LIPN: variants seen among roughly 807,000 people sequenced by gnomAD.
The protein encoded by LIPN is lipase member N.
In LIPN, 32 loss-of-function variants were observed where a neutral mutation model predicts 43.7. That is an observed-to-expected ratio of 0.73 (90% CI 0.55 to 0.98). The LOEUF (loss-of-function observed/expected upper bound fraction) is 0.98. LIPN is among the 50% of genes least tolerant of loss of function. The pLI, the probability that LIPN is intolerant of heterozygous loss-of-function variation, is 0.00. For synonymous variants in LIPN, 156 were observed against 157.6 expected, an observed-to-expected ratio of 0.99 and a Z score of 0.08; for missense variants, 505 against 483.8, an observed-to-expected ratio of 1.04 and a Z score of -0.41.
chr10:88,766,204 C>A, intron 4 of LIPN, 65 bp from the exon 5 acceptor site: 1 of 775,560 alleles, frequency 1.3e-6, no homozygotes, highest in Non-Finnish European at 2.3e-6. Flanking sequence ...AAGAAGTGAG[C>A]AAGTGCTCTG....
At chr10:88,767,770 G>A (rs1843132055) in intron 5 of LIPN, among the ~76,000 whole-genome samples, 1 of 144,348 alleles carries the variant, frequency 6.9e-6, no homozygotes, top group Admixed American at 7.2e-5. Context: ...TTTGCATTTT[G>A]GACAGAGCAA....
rs192845566 is a variant in LIPN at position 88,767,980 on chromosome 10, C to T, written c.536-812C>T. 3.3e-5 allele frequency among the ~76,000 whole-genome samples: 5 copies of T among 150,386 alleles called. No homozygotes were observed. The Admixed American group carries it at 3.3e-4, about 10-fold the overall frequency. On this transcript the variant is annotated intron_variant, in intron 5 of 9. Transcript: ENST00000404459. ...ATTATTTCAGTTCTTCTTTTTCTGG[C>T]CAAGACAGTTTTAATGTTCCAACAA...
rs12412357 is a variant in LIPN at position 88,775,136 on chromosome 10, C to A, written c.936C>A (p.Asp312Glu). The change falls in exon 9 of 10, where the codon GAC becomes GAA. Residue 312 changes from aspartate to glutamate, a missense_variant. By Grantham distance (45) the Asp-to-Glu change is conservative (BLOSUM62 2). Coordinates refer to ENST00000404459, the MANE Select transcript of LIPN (RefSeq NM_001102469.2). Reference sequence around the variant, plus strand: ...TCAGAGCTTATGACTGGGGAAATGACGCTGATAATATGAAACATTACAATC... The same window carrying A: ...TCAGAGCTTATGACTGGGGAAATGAAGCTGATAATATGAAACATTACAATC... ...DEFRAYDWGN[D>E]ADNMKHYNQS... 1.3e-6 allele frequency: 2 copies of A among 1,545,552 alleles called. No homozygotes were observed. Among genetic ancestry groups the A allele is most frequent in the East Asian group, 4.9e-5 (2 of 40,700 alleles).
intron 8 of LIPN, 113 bp from the exon 9 acceptor site, chr10:88,774,979 G>A (rs1211055179): frequency 3.0e-6 from 2 of 663,262 alleles, no homozygotes; most frequent in Non-Finnish European, 5.3e-6. Flanking sequence ...ACATCCTTCT[G>A]GTGATCTAGG....
In LIPN at chr10:88,779,327, G is replaced by C. The variant is rs1843348506; in HGVS notation, c.*1085G>C. ...AGAGCCAGCTCCATAATACTTTCCT[G>C]CTCTGCTGGCAAATCCACAAGCTGC... On this transcript the variant is annotated 3_prime_UTR_variant, in exon 10 of 10. Coordinates refer to ENST00000404459, the MANE Select transcript of LIPN (RefSeq NM_001102469.2). Among the ~76,000 whole-genome samples the C allele has an allele frequency of 6.6e-6, 1 of 152,148 alleles. No homozygotes were observed. The highest frequency in any genetic ancestry group is 2.4e-5 in the African/African-American group (1 of 41,442).
intron 6 of LIPN, chr10:88,769,520 T>A (rs530877251): frequency 1.1e-6 from 1 of 947,638 alleles, no homozygotes; most frequent in Non-Finnish European, 1.3e-6. Flanking sequence ...AGGGTTTTTT[T>A]TTTTTTTCTC....
rs112633404 is a variant in LIPN, at chr10:88,773,807, T to C, written c.820-666T>C. Among the ~76,000 whole-genome samples, 5 of 152,166 alleles carry C rather than the reference T, an allele frequency of 3.3e-5. 1 individual carries two copies. Among genetic ancestry groups the C allele is most frequent in the African/African-American group, 1.2e-4 (5 of 41,548 alleles). On this transcript the variant is annotated intron_variant, in intron 7 of 9. Transcript: ENST00000404459. Reference sequence around the variant, plus strand: ...CTTGCTCAAAAGTAAAGATTTTTAATAGTTTCTCTTAATTAGATTATTTTC... The same window carrying C: ...CTTGCTCAAAAGTAAAGATTTTTAACAGTTTCTCTTAATTAGATTATTTTC...
At chr10:88,761,567 T>A in intron 2 of LIPN, 54 bp downstream of exon 2, 1 of 1,252,030 alleles carries the variant, frequency 8.0e-7, no homozygotes, top group Non-Finnish European at 1.2e-6. Flanking sequence ...TAATGGAGTA[T>A]GAGGTTACGA....
chr10:88,774,465 T>A lies in LIPN; in HGVS notation c.820-8T>A, dbSNP rs780003689. ...CAATTGCTGTAATATGAGTTTTATCTCCTTTAGAGTCGAATGGATGTGTAT... is the reference window on the plus strand; with the variant it reads ...CAATTGCTGTAATATGAGTTTTATCACCTTTAGAGTCGAATGGATGTGTAT... On this transcript the variant is annotated splice_polypyrimidine_tract_variant and splice_region_variant and intron_variant, in intron 7 of 9. Transcript: ENST00000404459. The A allele has an allele frequency of 1.2e-6, 2 of 1,601,294 alleles. No homozygotes were observed. Among genetic ancestry groups the A allele is most frequent in the Admixed American group, 1.7e-5 (1 of 58,790 alleles).
chr10:88,773,180 G>T (rs1412113386), intron 7 of LIPN, among the ~76,000 whole-genome samples: 1 of 151,712 alleles, frequency 6.6e-6, no homozygotes, highest in African/African-American at 2.4e-5. Context: ...CATGAAGGTA[G>T]ATGTCTGCTA....
chr10:88,767,686 A>C (rs905882702), intron 5 of LIPN, among the ~76,000 whole-genome samples: 7 of 116,350 alleles, frequency 6.0e-5, no homozygotes, highest in Admixed American at 2.9e-4. Flanking sequence ...AAAAAAAAAA[A>C]AAAAAACCAT....
At chr10:88,764,911 A>G (rs995425065) in intron 4 of LIPN, among the ~76,000 whole-genome samples, 1 of 151,994 alleles carries the variant, frequency 6.6e-6, no homozygotes. Flanking sequence ...CATTCAGCCA[A>G]TGTTTACTGA....
chr10:88,776,038 A>G lies in LIPN; in HGVS notation c.963+875A>G, dbSNP rs181268426. On this transcript the variant is annotated intron_variant, in intron 9 of 9. Transcript: ENST00000404459. The stretch of plus-strand genomic sequence containing the variant: ...AAAATAAGTTTAAGATGTGATTTAC[A>G]TACAAGAACATTACTAATTTTGTGT... Among the ~76,000 whole-genome samples the G allele has an allele frequency of 2.6e-3, 400 of 152,200 alleles. 6 individuals carry two copies. Among genetic ancestry groups the G allele is most frequent in the South Asian group, 0.017 (81 of 4,826 alleles).
intron 7 of LIPN, among the ~76,000 whole-genome samples, chr10:88,771,861 A>T (rs1843215043): frequency 6.6e-6 from 1 of 151,692 alleles, no homozygotes; most frequent in Admixed American, 6.6e-5. Flanking sequence ...ACTAATTTAC[A>T]TTCCTACCAA....
At chr10:88,761,984 AC>A (rs1195966628) in intron 2 of LIPN, among the ~76,000 whole-genome samples, 1 of 151,700 alleles carries the variant, frequency 6.6e-6, no homozygotes, top group Non-Finnish European at 1.5e-5. Context: ...TTTTCCCCCA[AC>A]CCCCCAAAAT....
intron 7 of LIPN, among the ~76,000 whole-genome samples, chr10:88,772,585 G>A (rs1843228417): frequency 6.6e-6 from 1 of 151,710 alleles, no homozygotes; most frequent in Non-Finnish European, 1.5e-5. Flanking sequence ...TTTATTTGTG[G>A]GTTCTTTATT....
chr10:88,766,422 G>T, intron 5 of LIPN, 44 bp downstream of exon 5: 2 of 1,152,826 alleles, frequency 1.7e-6, no homozygotes, highest in Non-Finnish European at 2.6e-6. Flanking sequence ...TTGAGGGTCA[G>T]TTTTCTCAGA....
At chr10:88,758,174 T>A (rs1842949682), upstream of LIPN, among the ~76,000 whole-genome samples, 1 of 152,074 alleles carries the variant, frequency 6.6e-6, no homozygotes, top group South Asian at 2.1e-4. Context: ...ATAATCATTT[T>A]TACAGGTAGA....
chr10:88,764,675 T>C (rs1843062945), intron 4 of LIPN, 67 bp downstream of exon 4: 3 of 1,113,420 alleles, frequency 2.7e-6, no homozygotes, highest in Non-Finnish European at 3.8e-6. Context: ...ACGTGGACGC[T>C]ATTAATGATT....
Sources: allele counts gnomAD v4.1 joint callset (sites outside exome capture counted in the v4.1 genomes callset), GRCh38; gene constraint gnomAD v4.1.1; transcripts MANE v1.5; gene names NCBI Gene and HGNC (gene_info 2026-07-23, HGNC 2026-07-21).